Variants in MCTP2 observed in about 807,000 individuals in gnomAD.
MCTP2 encodes multiple C2 and transmembrane domain containing 2.
A neutral mutation model predicts 111.6 loss-of-function variants in MCTP2; 132 were observed. The ratio of observed to expected loss-of-function variants is 1.18; its 90% CI spans 1.03 to 1.37. The LOEUF is 1.37. MCTP2 is among the 40% of genes most tolerant of loss of function. The probability of loss-of-function intolerance (pLI) is 0.00; values close to 1 mark genes in which losing one functional copy is unlikely to be tolerated. For synonymous variants in MCTP2, 395 were observed against 387.7 expected (o/e 1.02, Z -0.22); for missense variants, 1,183 against 1,067.9 (o/e 1.11, Z -1.50).
chr15:94,276,243 C>T (rs368149017), intron 1 of MCTP2, among the ~76,000 whole-genome samples: 7 of 152,168 alleles, frequency 4.6e-5, no homozygotes, highest in African/African-American at 1.7e-4. Context: ...TATTCATAAA[C>T]AGGACAGAGA....
At chr15:94,409,920 A>C (rs1596620367) in intron 17 of MCTP2, among the ~76,000 whole-genome samples, 18 of 91,764 alleles carry the variant, frequency 2.0e-4, no homozygotes, top group East Asian at 6.5e-4. Context: ...CTTCCTCCTC[A>C]CCCCATTTAT....
At chr15:94,408,242 C>T (rs1231421780) in intron 17 of MCTP2, among the ~76,000 whole-genome samples, 1 of 151,908 alleles carries the variant, frequency 6.6e-6, no homozygotes, top group Non-Finnish European at 1.5e-5. Context: ...AGTTGATGCT[C>T]AAAAATTAAA....
intron 17 of MCTP2, among the ~76,000 whole-genome samples, chr15:94,407,962 C>G (rs1473340310): frequency 6.6e-6 from 1 of 152,202 alleles, no homozygotes; most frequent in Non-Finnish European, 1.5e-5. Flanking sequence ...GAAAAACATT[C>G]AGATTCATTT....
rs1401411599 is a variant in MCTP2, at chr15:94,461,867, A to G, written c.2360+3621A>G. Among the ~76,000 whole-genome samples, 4 of 152,272 alleles carry G rather than the reference A, an allele frequency of 2.6e-5. No individual in the cohort carries two copies. The East Asian group carries it at 5.8e-4, about 22-fold the overall frequency. On this transcript the variant is annotated intron_variant, in intron 20 of 22. Coordinates refer to ENST00000357742, the MANE Select transcript of MCTP2 (RefSeq NM_001385001.1). ...ATAGGGCTGGAATCCTGATGGGGAC[A>G]TGGGGAATGAGAGACAGATGCATTT...
At chr15:94,437,155 C>CAAA (rs11352999) in intron 17 of MCTP2, among the ~76,000 whole-genome samples, 71 of 69,472 alleles carry the variant, frequency 1.0e-3, no homozygotes, top group South Asian at 5.2e-3. Context: ...CTTACACATC[C>CAAA]AAAAAAAAAA....
intron 4 of MCTP2, among the ~76,000 whole-genome samples, chr15:94,326,597 T>G (rs1234859592): frequency 6.6e-6 from 1 of 151,902 alleles, no homozygotes; most frequent in Non-Finnish European, 1.5e-5. Context: ...AGACTGAGTC[T>G]CGCTCTGTCA....
At chr15:94,270,671 A>G (rs949550080) in intron 1 of MCTP2, among the ~76,000 whole-genome samples, 1 of 151,976 alleles carries the variant, frequency 6.6e-6, no homozygotes, top group African/African-American at 2.4e-5. Context: ...TCTTTCTGCT[A>G]TGTGAGAGGC....
At chr15:94,461,332 T>C (rs1179738915) in intron 20 of MCTP2, among the ~76,000 whole-genome samples, 4 of 151,874 alleles carry the variant, frequency 2.6e-5, no homozygotes, top group Non-Finnish European at 4.4e-5. Context: ...TGGTGGCACA[T>C]GCCTGTAATC....
intron 21 of MCTP2, among the ~76,000 whole-genome samples, chr15:94,474,442 G>A (rs1231008403): frequency 1.3e-5 from 2 of 152,168 alleles, no homozygotes; most frequent in Non-Finnish European, 2.9e-5. Context: ...AAATATTAAT[G>A]TAAGAAATGT....
intron 17 of MCTP2, among the ~76,000 whole-genome samples, chr15:94,432,548 A>T (rs1401440242): frequency 1.3e-5 from 2 of 152,158 alleles, no homozygotes; most frequent in Non-Finnish European, 2.9e-5. Context: ...TACAAAATAC[A>T]AGTATAAAAC....
At chr15:94,318,375 C>G (rs2076475258) in intron 4 of MCTP2, among the ~76,000 whole-genome samples, 2 of 151,732 alleles carry the variant, frequency 1.3e-5, no homozygotes, top group Admixed American at 1.3e-4. Context: ...CCTCCGCCTC[C>G]TGGGTTCAAG....
At chr15:94,464,257 T>TATATTATATATATATATATATATATATTA (rs4001978) in intron 20 of MCTP2, among the ~76,000 whole-genome samples, 1 of 44,968 alleles carries the variant, frequency 2.2e-5, no homozygotes, top group African/African-American at 6.0e-5. Flanking sequence ...TATATATATA[T>TATATTATATATATATATATATATATATTA]TATATATATA....
intron 1 of MCTP2, among the ~76,000 whole-genome samples, chr15:94,234,001 T>G (rs1021683346): frequency 6.6e-6 from 1 of 152,140 alleles, no homozygotes; most frequent in Non-Finnish European, 1.5e-5. Flanking sequence ...TCAGGTAGAA[T>G]ATTTTGCCTG....
rs116093523 is a variant in MCTP2, at chr15:94,375,746, A to T, written c.1582+5566A>T. ...ATCTCAAAATATCTATCAGAGGAAA[A>T]ATAAATATGTTTCCAGACGAGAAAT... is the stretch of plus-strand genomic sequence containing the variant. On this transcript the variant is annotated intron_variant, in intron 12 of 22. Coordinates refer to ENST00000357742, the MANE Select transcript of MCTP2 (RefSeq NM_001385001.1). Among the ~76,000 whole-genome samples, 826 of 152,296 alleles carry T rather than the reference A, an allele frequency of 5.4e-3. 3 individuals carry two copies. Among genetic ancestry groups the T allele is most frequent in the African/African-American group, 0.019 (788 of 41,558 alleles).
At chr15:94,351,036 C>A (rs1244631389) in intron 8 of MCTP2, among the ~76,000 whole-genome samples, 5 of 151,990 alleles carry the variant, frequency 3.3e-5, no homozygotes, top group Non-Finnish European at 7.4e-5. Context: ...ACAATTTTAT[C>A]TTATAATTTA....
rs149006419 is a variant in MCTP2 at position 94,333,080 on chromosome 15, C to T, written c.638-6210C>T. On this transcript the variant is annotated intron_variant, in intron 4 of 22. Coordinates refer to ENST00000357742, the MANE Select transcript of MCTP2 (RefSeq NM_001385001.1). ...TGAAACCTCGGCTCTACTAAAAATA[C>T]AAAAATTAGCCGGGCCTGGTGGCGG... 3.8e-3 allele frequency among the ~76,000 whole-genome samples: 582 copies of T among 152,200 alleles called. 3 individuals carry two copies. The highest frequency in any genetic ancestry group is 0.014 in the African/African-American group (563 of 41,538).
intron 1 of MCTP2, 92 bp from the exon 2 acceptor site, chr15:94,298,108 GT>G: frequency 1.9e-6 from 1 of 520,498 alleles, no homozygotes; most frequent in Admixed American, 3.8e-5. Context: ...TTTGAGTCGT[GT>G]TTCTCACTTT....
At position 94,476,758 on chromosome 15, in the gene MCTP2, G is replaced by C. The variant is rs775235714; in HGVS notation, c.2533G>C (p.Asp845His). ...PYSIDNNELL[D>H]FLSRVPSDVQ... ...TTCCATCGACAATAATGAGCTACTA[G>C]ACTTCCTCTCTAGGGTACCGTCTGA... The change falls in exon 22 of 23, where the codon GAC (aspartate) becomes CAC (histidine). Residue 845 changes from aspartate (D) to histidine (H), a missense_variant. Physicochemically the swap from Asp to His is moderately conservative, Grantham distance 81 (BLOSUM62 -1). Coordinates refer to ENST00000357742, the MANE Select transcript of MCTP2 (RefSeq NM_001385001.1). 7.5e-6 allele frequency: 12 copies of C among 1,608,770 alleles called. No homozygotes were observed. The highest frequency in any genetic ancestry group is 4.3e-6 in the Non-Finnish European group (5 of 1,175,480).
chr15:94,235,804 C>G (rs1187703585), intron 1 of MCTP2, among the ~76,000 whole-genome samples: 1 of 152,200 alleles, frequency 6.6e-6, no homozygotes, highest in Admixed American at 6.5e-5. Context: ...GTTTTAGAAC[C>G]TTCCTCTTTT....
Sources: gnomAD v4.1 joint callset for allele counts (sites outside exome capture counted in the v4.1 genomes callset) on GRCh38, gnomAD v4.1.1 for gene constraint, MANE v1.5 for transcripts, NCBI Gene and HGNC (gene_info 2026-07-23, HGNC 2026-07-21) for gene names.